The following DIS3L variants were observed in gnomAD, a reference collection of about 807,000 sequenced individuals.
DIS3L encodes the protein DIS3 like exosome 3'-5' exoribonuclease.
DIS3L carries 100 observed loss-of-function variants against 120.3 expected under a neutral mutation model. The observed-to-expected ratio is 0.83, with a 90% CI of 0.71 to 0.98. DIS3L has a LOEUF of 0.98. Among genes scored for constraint, DIS3L ranks in the 50% least tolerant of loss-of-function variants. The pLI, the probability that DIS3L is intolerant of heterozygous loss-of-function variation, is 0.00. For missense variants in DIS3L, 1,196 were observed against 1,314.2 expected (o/e 0.91, Z 1.39); for synonymous variants, 426 against 470.6 (o/e 0.91, Z 1.23).
intron 8 of DIS3L, 112 bp from the exon 9 acceptor site, chr15:66,320,459 T>C: frequency 1.7e-6 from 2 of 1,201,424 alleles, no homozygotes. Context: ...TATTTGCACC[T>C]GGCCACTCTC....
chr15:66,332,661 T>C (rs1893671830), intron 15 of DIS3L, 75 bp from the exon 16 acceptor site: 1 of 1,355,268 alleles, frequency 7.4e-7, no homozygotes, highest in Admixed American at 2.3e-5. Context: ...GAAAAACTAG[T>C]ATTCTAGATA....
intron 4 of DIS3L, among the ~76,000 whole-genome samples, chr15:66,310,495 G>T (rs1453194539): frequency 6.6e-6 from 1 of 152,216 alleles, no homozygotes; most frequent in Non-Finnish European, 1.5e-5. Flanking sequence ...AAGAGATATT[G>T]TGAAGTTCAG....
intron 4 of DIS3L, among the ~76,000 whole-genome samples, chr15:66,310,688 A>G (rs951873589): frequency 2.0e-5 from 3 of 152,248 alleles, no homozygotes; most frequent in Non-Finnish European, 4.4e-5. Context: ...GAGTAGGGAA[A>G]GAAAGGAAGC....
chr15:66,311,545 T>A (rs538121263), intron 4 of DIS3L, among the ~76,000 whole-genome samples, 179 bp from the exon 5 acceptor site: 1 of 152,132 alleles, frequency 6.6e-6, no homozygotes, highest in South Asian at 2.1e-4. Flanking sequence ...TTTGGCAGGC[T>A]CAGGGGTTAA....
In DIS3L at chr15:66,324,384, G is replaced by A. The variant is rs565197478; in HGVS notation, c.1667+799G>A. Among the ~76,000 whole-genome samples, 21 of 152,078 alleles carry A rather than the reference G, an allele frequency of 1.4e-4. No individual in the cohort carries two copies. The South Asian group carries it at 2.7e-3, about 20-fold the overall frequency. ...AGACAGAGTTTCACATGTTGCCCAG[G>A]CTGGTCTTGAACTCCTGTGCTCAAG... is the stretch of plus-strand genomic sequence containing the variant. On this transcript the variant is annotated intron_variant, in intron 11 of 16. Transcript: ENST00000319212.
chr15:66,331,971 G>A lies in DIS3L; in HGVS notation c.2632G>A (p.Gly878Arg), dbSNP rs536121897. The A allele has an allele frequency of 7.6e-5, 122 of 1,612,732 alleles. No individual in the cohort carries two copies. The highest frequency in any genetic ancestry group is 9.4e-5 in the Non-Finnish European group (111 of 1,179,568). Residue 878 changes from glycine to arginine, a missense_variant, in exon 15 of 17, where the codon GGA (glycine) becomes AGA (arginine). By Grantham distance (125) the Gly-to-Arg change is moderately radical (BLOSUM62 -2). Transcript: ENST00000319212. ...CACCGAGGAGCGTTGCATATCTGAC[G>A]GAGTTATTTATTCAATTAGAACAAA... ...PATEERCISD[G>R]VIYSIRTNGV...
intron 7 of DIS3L, among the ~76,000 whole-genome samples, chr15:66,316,337 T>C (rs2092817008): frequency 6.6e-6 from 1 of 151,942 alleles, no homozygotes; most frequent in Non-Finnish European, 1.5e-5. Context: ...CAGTAAATGC[T>C]GGCAACTCCA....
chr15:66,311,625 G>A (rs1334030558), intron 4 of DIS3L, 99 bp from the exon 5 acceptor site: 2 of 1,419,782 alleles, frequency 1.4e-6, no homozygotes, highest in African/African-American at 1.4e-5. Flanking sequence ...CCCTCAAGAT[G>A]GCAGGCCAGC....
Position 66,299,733 on chromosome 15 carries a change from A to C in DIS3L, c.293+4592A>C, listed in dbSNP as rs188636375. ...ACTTCCTAAGTGTATAACTAAGAGA[A>C]TTGAAAACATGTCAACATTGAAACT... On this transcript the variant is annotated intron_variant, in intron 2 of 16. Coordinates refer to ENST00000319212, the MANE Select transcript of DIS3L (RefSeq NM_001143688.3). 2.9e-3 allele frequency among the ~76,000 whole-genome samples: 436 copies of C among 152,302 alleles called. 3 individuals carry two copies. The highest frequency in any genetic ancestry group is 5.3e-3 in the Non-Finnish European group (359 of 68,026).
chr15:66,308,819 AAGG>A lies in DIS3L; in HGVS notation c.536_538del (p.Gly179del), dbSNP rs780954993. The A allele has an allele frequency of 3.1e-6, 5 of 1,613,302 alleles. No individual in the cohort carries two copies. In the South Asian group the frequency reaches 5.5e-5, roughly 18 times the overall value. The stretch of plus-strand genomic sequence containing the variant: ...ATTCAGCAGTATGGAAGTGAAACAG[AAGG>A]AGTATTCGTGATTACTTTCAAGGTA... On this transcript the variant is annotated inframe_deletion, in exon 4 of 17. Transcript: ENST00000319212.
intron 11 of DIS3L, 150 bp downstream of exon 11, chr15:66,323,735 A>G (rs1024747363): frequency 2.9e-5 from 20 of 691,082 alleles, no homozygotes; most frequent in Non-Finnish European, 4.5e-5. Flanking sequence ...CCCGACCCCA[A>G]CCCCACACCA....
At position 66,318,447 on chromosome 15, in the gene DIS3L, A is replaced by G. The variant is rs2140377119; in HGVS notation, c.995-2A>G. The G allele has an allele frequency of 6.2e-7, 1 of 1,612,866 alleles. No homozygotes were observed. Among genetic ancestry groups the G allele is most frequent in the East Asian group, 2.2e-5 (1 of 44,820 alleles). On this transcript the variant is annotated splice_acceptor_variant, in intron 7 of 16. Transcript: ENST00000319212. LOFTEE classifies it high-confidence loss of function. ...GCCTTGTTTTGTTTTGTTTTGCCAA[A>G]GGTCGAGTGGTGGGCATACTTCAGA...
At chr15:66,310,635 A>G (rs1476134704) in intron 4 of DIS3L, among the ~76,000 whole-genome samples, 1 of 152,224 alleles carries the variant, frequency 6.6e-6, no homozygotes, top group Non-Finnish European at 1.5e-5. Flanking sequence ...AAGTGACCAT[A>G]GAATTGGGGC....
Position 66,330,438 on chromosome 15 carries a change from C to T in DIS3L, c.2535+1039C>T, listed in dbSNP as rs566639962. 1.5e-4 allele frequency: 145 copies of T among 985,374 alleles called. 1 individual carries two copies. In the South Asian group the frequency reaches 5.2e-3, roughly 35 times the overall value. 61.0% of individuals were successfully genotyped at this position (985,374 alleles called of 1,614,324 possible). A position where few individuals can be genotyped will look rare whatever the true frequency, so the allele number is the denominator to read the frequency against. On this transcript the variant is annotated intron_variant, in intron 14 of 16. Transcript: ENST00000319212. ...CATATTACTAGTTGCTACAAGATTG[C>T]ACAGCATAGAACTAGACTATTGGGT...
At chr15:66,295,274 C>A in intron 2 of DIS3L, 133 bp downstream of exon 2, 1 of 820,992 alleles carries the variant, frequency 1.2e-6, no homozygotes, top group Non-Finnish European at 1.9e-6. Flanking sequence ...TTCGTATTCT[C>A]TTTGATAGTG....
intron 15 of DIS3L, among the ~76,000 whole-genome samples, chr15:66,332,252 T>C (rs1338535681): frequency 2.0e-5 from 3 of 151,762 alleles, no homozygotes; most frequent in South Asian, 2.1e-4. Flanking sequence ...AGGTCAGGAG[T>C]TCGAGACCAG....
At chr15:66,324,756 C>A (rs2092918946) in intron 11 of DIS3L, among the ~76,000 whole-genome samples, 1 of 152,092 alleles carries the variant, frequency 6.6e-6, no homozygotes, top group South Asian at 2.1e-4. Flanking sequence ...TAAAGCTAAC[C>A]ATTTTTTCGT....
At position 66,329,220 on chromosome 15, in the gene DIS3L, G is replaced by C; in HGVS notation, c.2357-1G>C. ...TTTGATCTTTTGCTTTCTTTTTGAAGGTCTTGCATTAGATAAATATACCCA... is the reference window on the plus strand; with the variant it reads ...TTTGATCTTTTGCTTTCTTTTTGAACGTCTTGCATTAGATAAATATACCCA... On this transcript the variant is annotated splice_acceptor_variant, in intron 13 of 16. Transcript: ENST00000319212. LOFTEE classifies it high-confidence loss of function. The C allele has an allele frequency of 6.3e-7, 1 of 1,584,080 alleles. No homozygotes were observed. Among genetic ancestry groups the C allele is most frequent in the Non-Finnish European group, 8.6e-7 (1 of 1,167,498 alleles).
intron 15 of DIS3L, 66 bp downstream of exon 15, chr15:66,332,086 C>T (rs1402083632): frequency 6.4e-6 from 9 of 1,401,768 alleles, no homozygotes; most frequent in African/African-American, 2.9e-5. Flanking sequence ...ACAAACTGTA[C>T]ATTAGATATA....
Sources: allele counts gnomAD v4.1 joint callset (sites outside exome capture counted in the v4.1 genomes callset), GRCh38; gene constraint gnomAD v4.1.1; transcripts MANE v1.5; gene names NCBI Gene and HGNC (gene_info 2026-07-23, HGNC 2026-07-21).